Variants in ESPL1 observed in about 807,000 individuals in gnomAD.
The protein encoded by ESPL1 is extra spindle pole bodies like 1, separase.
In ESPL1, 50 loss-of-function variants were observed where a neutral mutation model predicts 217.2. That is an observed-to-expected ratio of 0.23 (90% CI 0.18 to 0.29). The LOEUF (loss-of-function observed/expected upper bound fraction) is 0.29, where lower values mean the gene tolerates loss of function less well. Ranked by LOEUF, ESPL1 falls within the 10% of genes least tolerant of loss-of-function variation. The pLI, the probability that ESPL1 is intolerant of heterozygous loss-of-function variation, is 1.00. For synonymous variants in ESPL1, 994 were observed against 1,081.3 expected (o/e 0.92, Z 1.58); for missense variants, 1,834 against 2,603.0 (o/e 0.70, Z 6.43).
chr12:53,293,374 C>T lies in ESPL1; in HGVS notation c.6263C>T (p.Pro2088Leu). The stretch of plus-strand genomic sequence containing the variant: ...TGGCTTGGAGCAGGCCCAGGGGCCC[C>T]CCTTCTCTACTATGTAAACCAGGCC... ...QGWLGAGPGAPLLYYVNQARQ... is the reference protein window; with the variant it reads ...QGWLGAGPGALLLYYVNQARQ... Residue 2088 changes from proline to leucine, a missense_variant, in exon 31 of 31, where the codon CCC becomes CTC. Pro to Leu is a moderately conservative substitution (Grantham distance 98). Around this residue, in one of 5 missense-constraint regions of ESPL1, gnomAD observed 295 missense variants for 519.8 expected, o/e 0.57. Coordinates refer to ENST00000257934, the MANE Select transcript of ESPL1 (RefSeq NM_012291.5). This position sits in a 1 kb window ranked among gnomAD's most constrained non-coding sequence, Gnocchi z 4.2. 1 of 1,614,156 alleles carries T rather than the reference C, an allele frequency of 6.2e-7. No homozygotes were observed. Among genetic ancestry groups the T allele is most frequent in the Non-Finnish European group, 8.5e-7 (1 of 1,180,010 alleles).
At chr12:53,271,924 A>G (rs980916062) in intron 5 of ESPL1, among the ~76,000 whole-genome samples, 4 of 151,952 alleles carry the variant, frequency 2.6e-5, no homozygotes, top group African/African-American at 9.7e-5. Context: ...CGTCTCTACT[A>G]AAAATACAAA....
chr12:53,281,584 C>A lies in ESPL1; in HGVS notation c.2577C>A (p.Thr859=). The part of the protein sequence containing the change: ...TTDTYLLLSL[T]CDLLRSQLYW... ...ACACATACCTGCTCCTTTCCCTGACCTGTGATCTGCTTCGAAGTCAACTCT... is the reference window on the plus strand; with the variant it reads ...ACACATACCTGCTCCTTTCCCTGACATGTGATCTGCTTCGAAGTCAACTCT... Residue 859 remains threonine, a synonymous_variant, in exon 13 of 31, where the codon ACC becomes ACA. Transcript: ENST00000257934. 6.2e-7 allele frequency: 1 copy of A among 1,613,886 alleles called. No homozygotes were observed. Among genetic ancestry groups the A allele is most frequent in the Non-Finnish European group, 8.5e-7 (1 of 1,179,800 alleles).
In ESPL1 at chr12:53,273,836, G is replaced by GTT. The variant is rs71096001; in HGVS notation, c.1507-952_1507-951dup. ...GAGAACCTGGGTTCTTGGTTTTTTG[G>GTT]TTTTTTTTTTTTTTTTTTTTTTTTT... On this transcript the variant is annotated intron_variant, in intron 6 of 30. Coordinates refer to ENST00000257934, the MANE Select transcript of ESPL1 (RefSeq NM_012291.5). 1.0e-3 allele frequency among the ~76,000 whole-genome samples: 66 copies of GTT among 63,178 alleles called. 2 individuals carry two copies. The highest frequency in any genetic ancestry group is 1.3e-3 in the Non-Finnish European group (49 of 37,920). The allele number at this position is 63,178 out of a possible 152,430, so 41.4% of individuals were successfully genotyped here.
rs146578487 is a variant in ESPL1 at position 53,292,208 on chromosome 12, G to A, written c.5797-70G>A. On this transcript the variant is annotated intron_variant, in intron 27 of 30. Coordinates refer to ENST00000257934, the MANE Select transcript of ESPL1 (RefSeq NM_012291.5). This position sits in a 1 kb window ranked among gnomAD's most constrained non-coding sequence, Gnocchi z 4.5. ...CTAGGAATGGCTCAGACATGGAAAGGGGCTGAGATTGTTAGAGCTTGGGCC... is the reference window on the plus strand; with the variant it reads ...CTAGGAATGGCTCAGACATGGAAAGAGGCTGAGATTGTTAGAGCTTGGGCC... The A allele has an allele frequency of 6.7e-4, 961 of 1,423,964 alleles. No individual in the cohort carries two copies. Among genetic ancestry groups the A allele is most frequent in the Non-Finnish European group, 8.5e-4 (860 of 1,007,200 alleles). 88.2% of individuals were successfully genotyped at this position (1,423,964 alleles called of 1,614,324 possible). A position where few individuals can be genotyped will look rare whatever the true frequency, so the allele number is the denominator to read the frequency against.
At chr12:53,280,317 C>T (rs1197987657) in intron 12 of ESPL1, among the ~76,000 whole-genome samples, 3 of 152,184 alleles carry the variant, frequency 2.0e-5, no homozygotes, top group South Asian at 2.1e-4. Context: ...CCAGCGCTTA[C>T]GGCTGCAGTG....
At position 53,277,580 on chromosome 12, in the gene ESPL1, C is replaced by T; in HGVS notation, c.2196C>T (p.Asn732=). The T allele has an allele frequency of 1.2e-6, 2 of 1,614,188 alleles. No homozygotes were observed. Among genetic ancestry groups the T allele is most frequent in the East Asian group, 2.2e-5 (1 of 44,886 alleles). Residue 732 remains asparagine, a synonymous_variant, in exon 10 of 31, where the codon AAC becomes AAT. Coordinates refer to ENST00000257934, the MANE Select transcript of ESPL1 (RefSeq NM_012291.5). ...KLQEDRFLYS[N]IAFNLAADAA... ...AGGAAGATCGTTTCCTATACAGTAA[C>T]ATTGCCTTCAACCTGGCTGCAGATG...
rs369839546 is a variant in ESPL1, at chr12:53,269,380, C to T, written c.438C>T (p.Gly146=). Residue 146 remains glycine (G), a synonymous_variant, in exon 3 of 31, where the codon GGC becomes GGT. Coordinates refer to ENST00000257934, the MANE Select transcript of ESPL1 (RefSeq NM_012291.5). The surrounding 1 kb of genome is among the most constrained non-coding windows in gnomAD (Gnocchi z 6.7). ...AGGACTATGAGGCCGTGGCTCGGGG[C>T]AGCTTTTCTCTGCTTTGGAAGGGGG... The part of the protein sequence containing the change: ...APQDYEAVAR[G]SFSLLWKGAE... 54 of 1,613,892 alleles carry T rather than the reference C, an allele frequency of 3.3e-5. No homozygotes were observed. The African/African-American group carries it at 6.0e-4, about 18-fold the overall frequency.
At position 53,283,257 on chromosome 12, in the gene ESPL1, G is replaced by A. The variant is rs765133294; in HGVS notation, c.2920G>A (p.Gly974Ser). 2 of 1,614,200 alleles carry A rather than the reference G, an allele frequency of 1.2e-6. No homozygotes were observed. Among genetic ancestry groups the A allele is most frequent in the Admixed American group, 1.7e-5 (1 of 60,020 alleles). Reference protein sequence around the residue: ...AAVETSFLDYGENLVQKWQVL... With the variant: ...AAVETSFLDYSENLVQKWQVL... The stretch of plus-strand genomic sequence containing the variant: ...TGTGGAGACATCGTTTTTGGACTAT[G>A]GTGAGTCTGGGGAGGACAGCAGGGC... Residue 974 changes from glycine (G) to serine (S), a missense_variant and splice_region_variant, in exon 15 of 31, where the codon GGT (glycine) becomes AGT (serine). Around this residue, in one of 5 missense-constraint regions of ESPL1, gnomAD observed 107 missense variants for 171.7 expected, o/e 0.62. Coordinates refer to ENST00000257934, the MANE Select transcript of ESPL1 (RefSeq NM_012291.5).
chr12:53,280,449 T>TCATTTC (rs111691573), intron 12 of ESPL1, among the ~76,000 whole-genome samples: 9 of 152,204 alleles, frequency 5.9e-5, no homozygotes, highest in Admixed American at 2.6e-4. Flanking sequence ...TTTAGTGGTG[T>TCATTTC]CATTTCCATT....
In ESPL1 at chr12:53,282,503, A is replaced by G. The variant is rs1391908506; in HGVS notation, c.2791+68A>G. The G allele has an allele frequency of 6.9e-7, 1 of 1,441,920 alleles. No individual in the cohort carries two copies. Among genetic ancestry groups the G allele is most frequent in the African/African-American group, 1.4e-5 (1 of 71,218 alleles). 89.3% of individuals were successfully genotyped at this position (1,441,920 alleles called of 1,614,324 possible). On this transcript the variant is annotated intron_variant, in intron 14 of 30. Transcript: ENST00000257934. This position sits in a 1 kb window ranked among gnomAD's most constrained non-coding sequence, Gnocchi z 4.0. ...GGTCTGTCTGCTGTCAGCTCTTCTCAAACCTCATCCCCTCTGCTGGCTAAC... is the reference window on the plus strand; with the variant it reads ...GGTCTGTCTGCTGTCAGCTCTTCTCGAACCTCATCCCCTCTGCTGGCTAAC...
At chr12:53,281,736 C>A in intron 13 of ESPL1, 110 bp downstream of exon 13, 1 of 1,051,966 alleles carries the variant, frequency 9.5e-7, no homozygotes. Flanking sequence ...GCAGTATGTT[C>A]CTGACCCTGA....
intron 2 of ESPL1, 34 bp downstream of exon 2, chr12:53,268,881 C>T: frequency 6.4e-7 from 1 of 1,567,856 alleles, no homozygotes. Flanking sequence ...ATACACCTGG[C>T]TTTCCAAACT....
At chr12:53,281,950 C>T (rs958976904) in intron 13 of ESPL1, among the ~76,000 whole-genome samples, 15 of 152,174 alleles carry the variant, frequency 9.9e-5, no homozygotes, top group Admixed American at 9.8e-4. Flanking sequence ...AGTTTTCTCC[C>T]AAACTAGTTG....
At chr12:53,289,691 T>C in intron 22 of ESPL1, 97 bp downstream of exon 22, 2 of 1,008,030 alleles carry the variant, frequency 2.0e-6, no homozygotes, top group Non-Finnish European at 2.9e-6. Flanking sequence ...TTAGTTTACA[T>C]AGATTTATGA....
intron 25 of ESPL1, among the ~76,000 whole-genome samples, chr12:53,291,419 C>G (rs539099025): frequency 6.6e-6 from 1 of 152,048 alleles, no homozygotes; most frequent in African/African-American, 2.4e-5. Context: ...GGTGAAACCC[C>G]ATCTCTACTA....
chr12:53,292,516 T>C lies in ESPL1; in HGVS notation c.5913-58T>C. The C allele has an allele frequency of 1.3e-6, 2 of 1,493,258 alleles. No individual in the cohort carries two copies. Among genetic ancestry groups the C allele is most frequent in the East Asian group, 4.5e-5 (2 of 44,332 alleles). The allele number at this position is 1,493,258 out of a possible 1,614,324, so 92.5% of individuals were successfully genotyped here. On this transcript the variant is annotated intron_variant, in intron 28 of 30. Transcript: ENST00000257934. This position sits in a 1 kb window ranked among gnomAD's most constrained non-coding sequence, Gnocchi z 4.5. ...CTATCTAATGATCCCTCTGCTGTCTTTGCCACCTGACCCCTGCCATGCATT... is the reference window on the plus strand; with the variant it reads ...CTATCTAATGATCCCTCTGCTGTCTCTGCCACCTGACCCCTGCCATGCATT...
Position 53,281,572 on chromosome 12 carries a change from C to G in ESPL1, c.2565C>G (p.Leu855=). ...HLDQTTDTYL[L]LSLTCDLLRS... is the part of the protein sequence containing the mutation. ...ATCAGACTACTGACACATACCTGCT[C>G]CTTTCCCTGACCTGTGATCTGCTTC... The change falls in exon 13 of 31, where the codon CTC becomes CTG. Residue 855 remains leucine (L), a synonymous_variant. Transcript: ENST00000257934. 2 of 1,613,926 alleles carry G rather than the reference C, an allele frequency of 1.2e-6. No homozygotes were observed. Among genetic ancestry groups the G allele is most frequent in the East Asian group, 4.5e-5 (2 of 44,886 alleles).
At chr12:53,271,471 C>A (rs779648642) in intron 5 of ESPL1, among the ~76,000 whole-genome samples, 2 of 152,016 alleles carry the variant, frequency 1.3e-5, no homozygotes, top group African/African-American at 2.4e-5. Flanking sequence ...ATCTGCCCAC[C>A]TTGGCTTCCC....
At chr12:53,288,866 C>A in intron 20 of ESPL1, 167 bp downstream of exon 20, 1 of 726,956 alleles carries the variant, frequency 1.4e-6, no homozygotes, top group Non-Finnish European at 2.3e-6. Context: ...CACTTAACCT[C>A]TCCAAGCTTC....
Sources: gnomAD v4.1 joint callset for allele counts (sites outside exome capture counted in the v4.1 genomes callset) on GRCh38, gnomAD v4.1.1 for gene constraint, gnomAD v4.1.1 regional missense constraint, Gnocchi (gnomAD v3.1) non-coding constraint, MANE v1.5 for transcripts, NCBI Gene and HGNC (gene_info 2026-07-23, HGNC 2026-07-21) for gene names.